The following EBF1 variants were observed in gnomAD, a reference collection of about 807,000 sequenced individuals.
EBF1 encodes transcription factor COE1.
Under a neutral mutation model 68.4 loss-of-function variants are expected in EBF1, and 10 were observed. The observed-to-expected ratio is 0.15, with a 90% CI of 0.09 to 0.25. The LOEUF is 0.25. Ranked by LOEUF, EBF1 falls within the 10% of genes least tolerant of loss-of-function variation. The pLI, the probability that EBF1 is intolerant of heterozygous loss-of-function variation, is 1.00. For missense variants in EBF1, 509 were observed against 794.4 expected, an observed-to-expected ratio of 0.64 and a Z score of 4.32; for synonymous variants, 298 against 299.8, an observed-to-expected ratio of 0.99 and a Z score of 0.06.
intron 7 of EBF1, among the ~76,000 whole-genome samples, chr5:158,839,202 T>A (rs1789598455): frequency 6.6e-6 from 1 of 152,226 alleles, no homozygotes; most frequent in South Asian, 2.1e-4. Context: ...AGAATTGTTA[T>A]CCATATCATT....
intron 6 of EBF1, among the ~76,000 whole-genome samples, chr5:159,024,082 C>T (rs956479342): frequency 6.6e-6 from 1 of 152,094 alleles, no homozygotes; most frequent in Non-Finnish European, 1.5e-5. Context: ...AAAGGGAAAG[C>T]CCATAGTATT....
At chr5:158,934,893 T>C (rs1333443471) in intron 6 of EBF1, among the ~76,000 whole-genome samples, 2 of 152,188 alleles carry the variant, frequency 1.3e-5, no homozygotes, top group African/African-American at 4.8e-5. Context: ...ATTGCAAGTC[T>C]ACAAGGCAGA....
chr5:158,987,125 G>C (rs1395604704), intron 6 of EBF1: 3 of 152,164 alleles, frequency 2.0e-5, no homozygotes, highest in East Asian at 1.9e-4. Context: ...CATCTAGTTG[G>C]AGAGATAAAG....
At chr5:158,966,441 C>T (rs1332296154) in intron 6 of EBF1, among the ~76,000 whole-genome samples, 4 of 152,138 alleles carry the variant, frequency 2.6e-5, no homozygotes, top group African/African-American at 9.7e-5. Context: ...TTTCCCCTCT[C>T]TACAAAAGCA....
intron 6 of EBF1, among the ~76,000 whole-genome samples, chr5:159,014,944 G>A (rs1177554690): frequency 6.6e-6 from 1 of 152,154 alleles, no homozygotes; most frequent in African/African-American, 2.4e-5. Context: ...GGCTTTGGGG[G>A]AAAGAGCTTC....
chr5:158,714,952 T>G lies in EBF1; in HGVS notation c.1126-770A>C, dbSNP rs564868916. On this transcript the variant is annotated intron_variant, in intron 11 of 15. Transcript: ENST00000313708. ...CTCTTTTTACTTAGGTGGACCTCCA[T>G]ATTTAGCCTGCATGCTTGGTTCTAA... 2.6e-5 allele frequency among the ~76,000 whole-genome samples: 4 copies of G among 152,332 alleles called. No individual in the cohort carries two copies. In the South Asian group the frequency reaches 6.2e-4, roughly 24 times the overall value.
Position 158,696,486 on chromosome 5 carries a change from C to T in EBF1, c.*2625G>A. The stretch of plus-strand genomic sequence containing the variant: ...CCGGACACCTTCCCGGCTGACCGTT[C>T]ATTCCTTCAGAAACAGTTAAGGGGC... On this transcript the variant is annotated 3_prime_UTR_variant, in exon 16 of 16. Transcript: ENST00000313708. 4.5e-6 allele frequency: 1 copy of T among 224,302 alleles called. No homozygotes were observed. 13.9% of individuals were successfully genotyped at this position (224,302 alleles called of 1,614,324 possible).
At chr5:158,857,588 TA>T (rs1794280234) in intron 6 of EBF1, among the ~76,000 whole-genome samples, 1 of 151,834 alleles carries the variant, frequency 6.6e-6, no homozygotes, top group African/African-American at 2.4e-5. Context: ...CCTCAAGAAC[TA>T]AGCAAAAAAA....
At chr5:158,714,474 A>T (rs1760184876) in intron 11 of EBF1, among the ~76,000 whole-genome samples, 2 of 152,092 alleles carry the variant, frequency 1.3e-5, no homozygotes, top group South Asian at 4.1e-4. Flanking sequence ...TACAATTCCT[A>T]GGTCATTTAC....
At chr5:159,050,478 C>T (rs1204782417) in intron 6 of EBF1, among the ~76,000 whole-genome samples, 4 of 152,158 alleles carry the variant, frequency 2.6e-5, no homozygotes, top group African/African-American at 9.7e-5. Flanking sequence ...GTGTGATAAA[C>T]ATGTCACCAG....
intron 10 of EBF1, among the ~76,000 whole-genome samples, chr5:158,754,220 C>T (rs1467825402): frequency 1.3e-5 from 2 of 152,122 alleles, no homozygotes; most frequent in Non-Finnish European, 2.9e-5. Flanking sequence ...AAAGGCTTCA[C>T]AATTAACAAG....
At chr5:158,908,274 C>T (rs2127345985) in intron 6 of EBF1, among the ~76,000 whole-genome samples, 1 of 152,288 alleles carries the variant, frequency 6.6e-6, no homozygotes, top group Non-Finnish European at 1.5e-5. Context: ...AACTAAATAT[C>T]TTTGTATACC....
chr5:158,814,637 C>T (rs1170046846), intron 8 of EBF1, among the ~76,000 whole-genome samples: 2 of 152,144 alleles, frequency 1.3e-5, no homozygotes, highest in African/African-American at 2.4e-5. Flanking sequence ...CTTCAGTATC[C>T]TAACGGTTGT....
chr5:158,899,978 C>A lies in EBF1; in HGVS notation c.555-59868G>T, dbSNP rs530573465. 8.5e-5 allele frequency among the ~76,000 whole-genome samples: 13 copies of A among 152,232 alleles called. No individual in the cohort carries two copies. The East Asian group carries it at 2.1e-3, about 25-fold the overall frequency. On this transcript the variant is annotated intron_variant, in intron 6 of 15. Coordinates refer to ENST00000313708, the MANE Select transcript of EBF1 (RefSeq NM_024007.5). ...CTCTTTTGGATGGCATCATCGAACC[C>A]AGATGACAAGCTGGGAGGCAAGAGG...
chr5:158,699,245 G>A (rs1349937079), intron 15 of EBF1, 103 bp from the exon 16 acceptor site: 1 of 1,192,316 alleles, frequency 8.4e-7, no homozygotes, highest in Non-Finnish European at 1.2e-6. Flanking sequence ...ACACAACTAT[G>A]TTGTTCGACT....
At chr5:158,879,352 T>C (rs546209259) in intron 6 of EBF1, among the ~76,000 whole-genome samples, 1 of 152,122 alleles carries the variant, frequency 6.6e-6, no homozygotes, top group Non-Finnish European at 1.5e-5. Flanking sequence ...TGCGTCAAGA[T>C]GGGTTTGGCA....
At chr5:158,878,678 C>T (rs1388305294) in intron 6 of EBF1, among the ~76,000 whole-genome samples, 2 of 145,106 alleles carry the variant, frequency 1.4e-5, no homozygotes, top group Non-Finnish European at 3.0e-5. Context: ...GAGTCTTGCT[C>T]TGTCACCCAG....
At chr5:158,890,209 AAG>A (rs1359538085) in intron 6 of EBF1, among the ~76,000 whole-genome samples, 1 of 152,236 alleles carries the variant, frequency 6.6e-6, no homozygotes, top group Non-Finnish European at 1.5e-5. Context: ...GGGATATTTT[AAG>A]AGTTTTTTCC....
At chr5:158,797,157 AC>A (rs1779740018) in intron 8 of EBF1, among the ~76,000 whole-genome samples, 4 of 152,190 alleles carry the variant, frequency 2.6e-5, no homozygotes, top group Admixed American at 2.6e-4. Context: ...CAGGCATAAA[AC>A]CCTAGAATTG....
Sources: allele counts gnomAD v4.1 joint callset (sites outside exome capture counted in the v4.1 genomes callset), GRCh38; gene constraint gnomAD v4.1.1; transcripts MANE v1.5; gene names NCBI Gene and HGNC (gene_info 2026-07-23, HGNC 2026-07-21).